The following RIF1 variants were observed in gnomAD, a reference collection of about 807,000 sequenced individuals.
The protein encoded by RIF1 is telomere-associated protein RIF1.
In RIF1, 45 loss-of-function variants were observed where a neutral mutation model predicts 247.1. The observed-to-expected ratio is 0.18, with a 90% CI of 0.14 to 0.23. The LOEUF (loss-of-function observed/expected upper bound fraction) is 0.23, where lower values mean the gene tolerates loss of function less well. RIF1 is among the 10% of genes least tolerant of loss of function. The pLI, the probability that RIF1 is intolerant of heterozygous loss-of-function variation, is 1.00. For synonymous variants in RIF1, 1,087 were observed against 978.8 expected (o/e 1.11, Z -2.06); for missense variants, 2,967 against 2,862.5 (o/e 1.04, Z -0.83).
the RIF1 span, among the ~76,000 whole-genome samples, chr2:151,530,138 C>G: frequency 2.0e-5 from 3 of 152,148 alleles, no homozygotes; most frequent in Admixed American, 1.3e-4. Context: ...GTGTCAGGCA[C>G]ATAGACAATA....
intron 4 of RIF1, 91 bp from the exon 5 acceptor site, chr2:151,416,470 T>A (rs1176940667): frequency 1.7e-6 from 2 of 1,150,780 alleles, no homozygotes; most frequent in Non-Finnish European, 2.5e-6. Flanking sequence ...AATTTTATGA[T>A]TGATGAGTAT....
In RIF1 at chr2:151,410,177, G is replaced by GA; in HGVS notation, c.-11+147dup. ...CCTCCCTCTGTTGAAAGCTGCCCGG[G>GA]AAAGTGGTGGCGGGAGCGGGCCCAG... is the stretch of plus-strand genomic sequence containing the variant. On this transcript the variant is annotated intron_variant, in intron 1 of 35. Coordinates refer to ENST00000444746, the MANE Select transcript of RIF1 (RefSeq NM_018151.5). 3 of 645,582 alleles carry GA rather than the reference G, an allele frequency of 4.6e-6. No individual in the cohort carries two copies. The South Asian group carries it at 5.2e-5, about 11-fold the overall frequency. The allele number at this position is 645,582 out of a possible 1,614,324, so 40.0% of individuals were successfully genotyped here. A position where few individuals can be genotyped will look rare whatever the true frequency, so the allele number is the denominator to read the frequency against.
chr2:151,431,741 G>A (rs1690167801), intron 9 of RIF1, among the ~76,000 whole-genome samples: 2 of 152,180 alleles, frequency 1.3e-5, no homozygotes, highest in Admixed American at 1.3e-4. Context: ...TCATGCCATT[G>A]CACTCCAGCC....
the RIF1 span, chr2:151,513,472 T>C: frequency 2.6e-6 from 2 of 766,282 alleles, no homozygotes; most frequent in Non-Finnish European, 4.2e-6. Flanking sequence ...AAGAATGCCA[T>C]TGTATGCATG....
Position 151,464,863 on chromosome 2 carries a change from A to G in RIF1, c.5343A>G (p.Pro1781=), listed in dbSNP as rs200887608. Residue 1781 remains proline, a synonymous_variant, in exon 30 of 36, where the codon CCA becomes CCG. Coordinates refer to ENST00000444746, the MANE Select transcript of RIF1 (RefSeq NM_018151.5). ...VSPSETSQAN[P]YSEGQFLDEH... is the part of the protein sequence containing the mutation. Reference sequence around the variant, plus strand: ...CATCAGAAACTTCTCAAGCTAATCCATATTCTGAAGGACAATTTTTAGATG... The same window carrying G: ...CATCAGAAACTTCTCAAGCTAATCCGTATTCTGAAGGACAATTTTTAGATG... 1.5e-5 allele frequency: 24 copies of G among 1,599,136 alleles called. No individual in the cohort carries two copies. Among genetic ancestry groups the G allele is most frequent in the Admixed American group, 1.8e-5 (1 of 55,494 alleles).
At chr2:151,505,721 T>C (rs372689662) in intron 12 of RIF1, among the ~76,000 whole-genome samples, 3 of 152,330 alleles carry the variant, frequency 2.0e-5, no homozygotes, top group African/African-American at 7.2e-5. Flanking sequence ...GGGACCTCAT[T>C]CTGATACTGG....
intron 33 of RIF1, 95 bp downstream of exon 33, chr2:151,468,851 T>A: frequency 1.2e-6 from 1 of 863,654 alleles, no homozygotes; most frequent in Non-Finnish European, 1.9e-6. Flanking sequence ...TAGAATTGAT[T>A]GGCATGTACT....
intron 6 of RIF1, among the ~76,000 whole-genome samples, chr2:151,419,773 TATG>T (rs1318971223): frequency 1.3e-5 from 2 of 152,246 alleles, no homozygotes; most frequent in Non-Finnish European, 2.9e-5. Flanking sequence ...TTACAACAGC[TATG>T]ATGTCACTAG....
Position 151,478,808 on chromosome 2 carries a change from A to G in RIF1, c.*3737A>G, listed in dbSNP as rs1360366032. On this transcript the variant is annotated 3_prime_UTR_variant, in exon 36 of 36. Transcript: ENST00000444746. ...CTCATATTCTTCATAATTGATTTTC[A>G]AGAAGTTAATTTGTCATTCAGCCTA... is the stretch of plus-strand genomic sequence containing the variant. 2 of 152,188 alleles carry G rather than the reference A, an allele frequency of 1.3e-5. No homozygotes were observed. Among genetic ancestry groups the G allele is most frequent in the Non-Finnish European group, 1.5e-5 (1 of 68,026 alleles). The allele number at this position is 152,188 out of a possible 1,614,324, so 9.4% of individuals were successfully genotyped here.
chr2:151,496,443 T>C (rs1457783417), intron 10 of RIF1: 3 of 1,503,566 alleles, frequency 2.0e-6, no homozygotes, highest in South Asian at 1.3e-5. Flanking sequence ...AAGGGTAAGG[T>C]CAACTTCCTT....
intron 34 of RIF1, among the ~76,000 whole-genome samples, chr2:151,471,471 A>T (rs1020799592): frequency 6.6e-6 from 1 of 152,130 alleles, no homozygotes; most frequent in Admixed American, 6.5e-5. Context: ...TGGTATTGCC[A>T]AGGTTTTCTT....
chr2:151,533,181 A>G, the RIF1 span, among the ~76,000 whole-genome samples: 2 of 152,252 alleles, frequency 1.3e-5, no homozygotes, highest in Admixed American at 1.3e-4. Flanking sequence ...AATTAATGTT[A>G]TACCACTTTG....
At position 151,443,320 on chromosome 2, in the gene RIF1, C is replaced by A; in HGVS notation, c.1796C>A (p.Ser599Ter). The change falls in exon 17 of 36, where the codon TCA becomes TAA. Residue 599 changes from serine to a stop codon, truncating the protein, a stop_gained. Coordinates refer to ENST00000444746, the MANE Select transcript of RIF1 (RefSeq NM_018151.5). LOFTEE classifies it high-confidence loss of function. ...IFNNFLECGV[S>*]DERFFLSLES... ...AACAATTTCTTGGAATGTGGTGTATCAGATGAAAGGTAAGTTTGTACTTTA... is the reference window on the plus strand; with the variant it reads ...AACAATTTCTTGGAATGTGGTGTATAAGATGAAAGGTAAGTTTGTACTTTA... The A allele has an allele frequency of 6.3e-7, 1 of 1,586,676 alleles. No homozygotes were observed. Among genetic ancestry groups the A allele is most frequent in the South Asian group, 1.1e-5 (1 of 89,586 alleles).
chr2:151,500,878 T>A (rs921875954), intron 11 of RIF1, among the ~76,000 whole-genome samples: 1 of 152,180 alleles, frequency 6.6e-6, no homozygotes, highest in South Asian at 2.1e-4. Context: ...AGGTGACAGG[T>A]GTGAGCCACC....
rs1374043300 is a variant in RIF1, at chr2:151,493,399, G to A, written c.*416-1830G>A. The A allele has an allele frequency of 1.2e-6, 2 of 1,611,054 alleles. No individual in the cohort carries two copies. Among genetic ancestry groups the A allele is most frequent in the Non-Finnish European group, 1.7e-6 (2 of 1,179,086 alleles). On this transcript the variant is annotated intron_variant and NMD_transcript_variant, in intron 9 of 13. Coordinates refer to the RIF1 transcript ENST00000454583. ...GCGCTTAGCTCTCTCCATCTCTGGA[G>A]TAACAGGTGTCGGAGTTGCTTTTCT...
intron 9 of RIF1, chr2:151,491,921 G>A (rs2056916261): frequency 1.0e-6 from 1 of 952,802 alleles, no homozygotes; most frequent in African/African-American, 1.7e-5. Flanking sequence ...CCTCAGAGGA[G>A]AACAAAGATA....
rs190679010 is a variant in RIF1 at position 151,476,518 on chromosome 2, A to T, written c.*1447A>T. On this transcript the variant is annotated 3_prime_UTR_variant, in exon 36 of 36. Transcript: ENST00000444746. ...AGGCACACATTCTACAGCAAGTCAT[A>T]GAAAGTTTAATCCTTGTGCCTCCTT... 185 of 152,304 alleles carry T rather than the reference A, an allele frequency of 1.2e-3. No homozygotes were observed. Among genetic ancestry groups the T allele is most frequent in the African/African-American group, 4.4e-3 (182 of 41,576 alleles). 9.4% of individuals were successfully genotyped at this position (152,304 alleles called of 1,614,324 possible). A position where few individuals can be genotyped will look rare whatever the true frequency, so the allele number is the denominator to read the frequency against.
intron 12 of RIF1, chr2:151,505,484 A>T (rs1364051042): frequency 6.2e-7 from 1 of 1,613,406 alleles, no homozygotes; most frequent in Non-Finnish European, 8.5e-7. Flanking sequence ...CTACCGAGCT[A>T]ATGTGCTTCT....
Position 151,423,049 on chromosome 2 carries a change from G to C in RIF1, c.786+7G>C. ...TGTCAAACTACTTGGAAGGGTAAGT[G>C]CCCAGTTAATGAACAGTCAACAGTT... On this transcript the variant is annotated splice_region_variant and intron_variant, in intron 8 of 35. Transcript: ENST00000444746. 6.7e-7 allele frequency: 1 copy of C among 1,503,006 alleles called. No individual in the cohort carries two copies. Among genetic ancestry groups the C allele is most frequent in the Admixed American group, 1.7e-5 (1 of 58,858 alleles). 93.1% of individuals were successfully genotyped at this position (1,503,006 alleles called of 1,614,324 possible).
Sources: allele counts gnomAD v4.1 joint callset (sites outside exome capture counted in the v4.1 genomes callset), GRCh38; gene constraint gnomAD v4.1.1; transcripts MANE v1.5; gene names NCBI Gene and HGNC (gene_info 2026-07-23, HGNC 2026-07-21).